The following SLC35F4 variants were observed in gnomAD, a reference collection of about 807,000 sequenced individuals.
The protein encoded by SLC35F4 is solute carrier family 35 member F4, also known as chromosome 14 open reading frame 36.
In SLC35F4, 24 loss-of-function variants were observed where a neutral mutation model predicts 44.2. The ratio of observed to expected loss-of-function variants is 0.54; its 90% CI spans 0.39 to 0.76. The LOEUF (loss-of-function observed/expected upper bound fraction) is 0.76, where lower values mean the gene tolerates loss of function less well. Ranked by LOEUF, SLC35F4 falls within the 30% of genes least tolerant of loss-of-function variation. The probability of loss-of-function intolerance (pLI) is 0.00; values close to 1 mark genes in which losing one functional copy is unlikely to be tolerated. For synonymous variants in SLC35F4, 238 were observed against 223.6 expected, an observed-to-expected ratio of 1.06 and a Z score of -0.57; for missense variants, 562 against 586.1, an observed-to-expected ratio of 0.96 and a Z score of 0.42.
rs140785102 is a variant in SLC35F4, at chr14:57,900,988, A to C, written n.282+80925T>G. Reference sequence around the variant, plus strand: ...CCACAATGACATACCATCTCACGCCAGTCAGAATGGCTGTTAAAAAATCAA... The same window carrying C: ...CCACAATGACATACCATCTCACGCCCGTCAGAATGGCTGTTAAAAAATCAA... On this transcript the variant is annotated intron_variant and non_coding_transcript_variant, in intron 1 of 1. Transcript: ENST00000556568. Among the ~76,000 whole-genome samples, 232 of 152,152 alleles carry C rather than the reference A, an allele frequency of 1.5e-3. 6 individuals are homozygous for C. In the East Asian group the frequency reaches 0.04, roughly 26 times the overall value.
chr14:57,652,208 A>C (rs1454902885), intron 1 of SLC35F4, among the ~76,000 whole-genome samples: 2 of 152,216 alleles, frequency 1.3e-5, no homozygotes. Context: ...AGCTTTCTGC[A>C]AGCTCAATTC....
rs535074030 is a variant in SLC35F4, at chr14:57,587,103, A to T, written c.587+2113T>A. ...TCTCAGGCCAGTTAGAATGGTGATC[A>T]TTAATAAGTCAGGAAACAACAGATG... On this transcript the variant is annotated intron_variant, in intron 3 of 7. Transcript: ENST00000556826. 3.3e-5 allele frequency among the ~76,000 whole-genome samples: 5 copies of T among 152,342 alleles called. No individual in the cohort carries two copies. The South Asian group carries it at 8.3e-4, about 25-fold the overall frequency.
intron 1 of SLC35F4, among the ~76,000 whole-genome samples, chr14:57,797,372 T>C (rs2078077825): frequency 6.6e-6 from 1 of 152,190 alleles, no homozygotes; most frequent in Admixed American, 6.5e-5. Context: ...ATTGGGATTA[T>C]TCATGAGGCA....
intron 1 of SLC35F4, among the ~76,000 whole-genome samples, chr14:57,742,386 A>G (rs1419913359): frequency 6.6e-6 from 1 of 152,228 alleles, no homozygotes; most frequent in Non-Finnish European, 1.5e-5. Context: ...AAGATCTACC[A>G]AGCAAATGGA....
intron 1 of SLC35F4, among the ~76,000 whole-genome samples, chr14:57,600,392 T>G (rs1308945727): frequency 6.6e-6 from 1 of 152,126 alleles, no homozygotes; most frequent in Non-Finnish European, 1.5e-5. Flanking sequence ...TACAAAAAGA[T>G]AAAATATCAA....
At chr14:57,905,720 C>T (rs1441019584) in intron 1 of SLC35F4, among the ~76,000 whole-genome samples, 1 of 151,992 alleles carries the variant, frequency 6.6e-6, no homozygotes, top group Non-Finnish European at 1.5e-5. Context: ...GAGTGAGTGG[C>T]CACTGAAAAC....
At chr14:57,621,987 C>A (rs1722791837) in intron 1 of SLC35F4, among the ~76,000 whole-genome samples, 1 of 150,948 alleles carries the variant, frequency 6.6e-6, no homozygotes, top group Non-Finnish European at 1.5e-5. Flanking sequence ...AACAAACAAC[C>A]CCATCAAAAA....
chr14:57,889,163 G>T (rs73298619), intron 1 of SLC35F4, among the ~76,000 whole-genome samples: 2 of 152,104 alleles, frequency 1.3e-5, no homozygotes. Flanking sequence ...CTATATAAAC[G>T]ATTTGGCTTC....
At chr14:57,576,649 G>A (rs1240283899) in intron 4 of SLC35F4, among the ~76,000 whole-genome samples, 2 of 143,024 alleles carry the variant, frequency 1.4e-5, no homozygotes, top group Non-Finnish European at 3.1e-5. Flanking sequence ...AATAAGAGGT[G>A]TGGCAATCTA....
intron 1 of SLC35F4, among the ~76,000 whole-genome samples, chr14:57,627,504 A>G (rs2072535315): frequency 6.6e-6 from 1 of 152,168 alleles, no homozygotes; most frequent in East Asian, 1.9e-4. Context: ...AAATAATTCA[A>G]CCACATTTTT....
At chr14:57,739,773 T>C (rs182940840) in intron 1 of SLC35F4, among the ~76,000 whole-genome samples, 1 of 152,310 alleles carries the variant, frequency 6.6e-6, no homozygotes, top group Admixed American at 6.5e-5. Flanking sequence ...AAGTAATAAT[T>C]CCTACCTGAC....
intron 1 of SLC35F4, among the ~76,000 whole-genome samples, chr14:57,857,056 A>G (rs1887175863): frequency 6.6e-6 from 1 of 151,998 alleles, no homozygotes; most frequent in South Asian, 2.1e-4. Flanking sequence ...CGGGTGGATC[A>G]CCTGAGGTCA....
intron 1 of SLC35F4, among the ~76,000 whole-genome samples, chr14:57,968,036 A>G (rs535623145): frequency 2.6e-5 from 4 of 152,340 alleles, no homozygotes; most frequent in African/African-American, 7.2e-5. Flanking sequence ...ACTTTGACTT[A>G]TAACCTTGAG....
At chr14:57,619,412 G>A (rs1343698663) in intron 1 of SLC35F4, among the ~76,000 whole-genome samples, 1 of 152,296 alleles carries the variant, frequency 6.6e-6, no homozygotes, top group East Asian at 1.9e-4. Flanking sequence ...GTCTGGAGTG[G>A]ACCTCCAACA....
intron 1 of SLC35F4, among the ~76,000 whole-genome samples, chr14:57,840,845 T>C (rs1049227767): frequency 2.0e-5 from 3 of 152,228 alleles, no homozygotes; most frequent in Admixed American, 6.5e-5. Flanking sequence ...TATTAATGTT[T>C]TGAGGTCCAT....
chr14:57,594,240 A>G, intron 1 of SLC35F4, 116 bp from the exon 2 acceptor site: 5 of 1,034,752 alleles, frequency 4.8e-6, no homozygotes, highest in Non-Finnish European at 5.5e-6. Flanking sequence ...CCCAGGCTAG[A>G]GTGCAGTGGT....
chr14:57,905,549 G>C (rs1889090812), intron 1 of SLC35F4, among the ~76,000 whole-genome samples: 2 of 152,180 alleles, frequency 1.3e-5, no homozygotes, highest in Admixed American at 1.3e-4. Flanking sequence ...AACAGTGTTT[G>C]AGTTGCCTCT....
At chr14:57,699,222 A>G (rs2075466796) in intron 1 of SLC35F4, among the ~76,000 whole-genome samples, 1 of 152,212 alleles carries the variant, frequency 6.6e-6, no homozygotes, top group Non-Finnish European at 1.5e-5. Flanking sequence ...CTGATTTGAT[A>G]GAGAAGTGCA....
chr14:57,865,916 C>T lies in SLC35F4; in HGVS notation c.-91G>A. ...GGTGCAGGTGCCGGAGCCGCTGGTG[C>T]TGATCTTGCAGCTCCTGCTCCCGCG... On this transcript the variant is annotated 5_prime_UTR_variant, in exon 1 of 8. Coordinates refer to ENST00000556826, the MANE Select transcript of SLC35F4 (RefSeq NM_001306087.2). 1.2e-6 allele frequency: 1 copy of T among 844,124 alleles called. No homozygotes were observed. The highest frequency in any genetic ancestry group is 1.7e-6 in the Non-Finnish European group (1 of 585,102). The allele number at this position is 844,124 out of a possible 1,614,324, so 52.3% of individuals were successfully genotyped here. A position where few individuals can be genotyped will look rare whatever the true frequency, so the allele number is the denominator to read the frequency against.
Sources: allele counts gnomAD v4.1 joint callset (sites outside exome capture counted in the v4.1 genomes callset), GRCh38; gene constraint gnomAD v4.1.1; transcripts MANE v1.5; gene names NCBI Gene and HGNC (gene_info 2026-07-23, HGNC 2026-07-21).